The following SYTL2 variants were observed in gnomAD, a reference collection of about 807,000 sequenced individuals.
SYTL2 encodes synaptotagmin-like protein 2.
SYTL2 carries 165 observed loss-of-function variants against 198.7 expected under a neutral mutation model. The ratio of observed to expected loss-of-function variants is 0.83; its 90% CI spans 0.73 to 0.94. The LOEUF (loss-of-function observed/expected upper bound fraction) is 0.94, where lower values mean the gene tolerates loss of function less well. Ranked by LOEUF, SYTL2 falls within the 40% of genes least tolerant of loss-of-function variation. The pLI, the probability that SYTL2 is intolerant of heterozygous loss-of-function variation, is 0.00. For missense variants in SYTL2, 2,835 were observed against 2,582.8 expected, an observed-to-expected ratio of 1.10 and a Z score of -2.12; for synonymous variants, 966 against 917.7, an observed-to-expected ratio of 1.05 and a Z score of -0.95.
intron 1 of SYTL2, among the ~76,000 whole-genome samples, chr11:85,789,962 G>A (rs987061019): frequency 6.6e-6 from 1 of 152,058 alleles, no homozygotes; most frequent in African/African-American, 2.4e-5. Context: ...AAATGCTTGG[G>A]ATCAGAACTG....
chr11:85,771,215 G>T (rs2092348619), intron 1 of SYTL2, among the ~76,000 whole-genome samples: 1 of 152,156 alleles, frequency 6.6e-6, no homozygotes, highest in African/African-American at 2.4e-5. Context: ...GAGACTTCCT[G>T]ACCGGTGTAG....
intron 1 of SYTL2, among the ~76,000 whole-genome samples, chr11:85,773,713 G>A (rs949859493): frequency 8.5e-5 from 13 of 152,084 alleles, no homozygotes; most frequent in African/African-American, 3.1e-4. Context: ...TCATTTTATA[G>A]TGTTATTCCA....
chr11:85,695,803 T>C (rs546683139), intron 19 of SYTL2, among the ~76,000 whole-genome samples: 1 of 152,204 alleles, frequency 6.6e-6, no homozygotes, highest in Non-Finnish European at 1.5e-5. Flanking sequence ...GAGGATTCAA[T>C]GAAATAATGT....
At chr11:85,818,696 T>TCTAC in the SYTL2 span, among the ~76,000 whole-genome samples, 1 of 144,298 alleles carries the variant, frequency 6.9e-6, no homozygotes, top group Non-Finnish European at 1.5e-5. Flanking sequence ...TATCTACCTA[T>TCTAC]CTATTTATTT....
chr11:85,707,476 G>A lies in SYTL2; in HGVS notation c.5971C>T (p.Leu1991Phe). The A allele has an allele frequency of 6.2e-7, 1 of 1,613,996 alleles. No homozygotes were observed. The highest frequency in any genetic ancestry group is 1.1e-5 in the South Asian group (1 of 91,064). ...GGATTCAAGGTTTTCTTCACTACGA[G>A]TGTTTTCTTCTTGCCCATTTTGCCT... is the stretch of plus-strand genomic sequence containing the variant. ...DKGKMGKKKT[L>F]VVKKTLNPVY... Residue 1991 changes from leucine to phenylalanine, a missense_variant, in exon 15 of 20, where the codon CTC becomes TTC. Coordinates refer to ENST00000359152, the MANE Select transcript of SYTL2 (RefSeq NM_206927.4).
chr11:85,851,517 T>C, the SYTL2 span, among the ~76,000 whole-genome samples: 21 of 152,236 alleles, frequency 1.4e-4, no homozygotes, highest in Non-Finnish European at 2.4e-4. Flanking sequence ...TCTTCTACTA[T>C]AGATACTTTC....
chr11:85,751,014 ACTGT>A (rs147518241), intron 2 of SYTL2, among the ~76,000 whole-genome samples: 3,153 of 152,226 alleles, frequency 0.021, 59 homozygotes, highest in Admixed American at 0.037. Flanking sequence ...TGCCTAAATG[ACTGT>A]CTGTAAGCCC....
At chr11:85,825,593 G>C in the SYTL2 span, among the ~76,000 whole-genome samples, 647 of 152,332 alleles carry the variant, frequency 4.2e-3, 5 homozygotes, top group African/African-American at 0.015. Context: ...CAAGATTTGG[G>C]GAAGAGGGTT....
intron 2 of SYTL2, among the ~76,000 whole-genome samples, chr11:85,754,740 G>T (rs1043334090): frequency 1.3e-5 from 2 of 152,260 alleles, no homozygotes; most frequent in Non-Finnish European, 2.9e-5. Flanking sequence ...TAAATAACTT[G>T]CCCAGTGAAA....
At chr11:85,739,440 T>C (rs911777802) in intron 4 of SYTL2, among the ~76,000 whole-genome samples, 5 of 151,540 alleles carry the variant, frequency 3.3e-5, no homozygotes, top group South Asian at 2.1e-4. Context: ...AGTTACCTTG[T>C]GGTTGGGATA....
chr11:85,752,938 A>AAAAAC (rs2091615522), intron 2 of SYTL2, among the ~76,000 whole-genome samples: 1 of 143,542 alleles, frequency 7.0e-6, no homozygotes, highest in Non-Finnish European at 1.5e-5. Flanking sequence ...AAAAAAAAAA[A>AAAAAC]AAAAAAAAAA....
rs147517545 is a variant in SYTL2, at chr11:85,703,086, G to A, written c.6189+1772C>T. 7.0e-4 allele frequency among the ~76,000 whole-genome samples: 107 copies of A among 152,076 alleles called. 1 individual carries two copies. Among genetic ancestry groups the A allele is most frequent in the African/African-American group, 2.3e-3 (96 of 41,486 alleles). ...AATTGTGAAAAGGTTAGCAAAACAT[G>A]GACTGAAATATAAGAAAAAAAGTAT... is the stretch of plus-strand genomic sequence containing the variant. On this transcript the variant is annotated intron_variant, in intron 16 of 19. Transcript: ENST00000359152.
At position 85,730,827 on chromosome 11, in the gene SYTL2, T is replaced by C. The variant is rs539628027; in HGVS notation, c.1391-2860A>G. On this transcript the variant is annotated intron_variant, in intron 7 of 19. Coordinates refer to ENST00000359152, the MANE Select transcript of SYTL2 (RefSeq NM_206927.4). ...TTGTCTCTTTTTGCAGATGACATGA[T>C]TGTATATTTAGAAAACCTCATCGTC... 3.7e-3 allele frequency among the ~76,000 whole-genome samples: 560 copies of C among 152,268 alleles called. 13 individuals carry two copies. Among genetic ancestry groups the C allele is most frequent in the Middle Eastern group, 0.017 (5 of 294 alleles).
chr11:85,728,586 C>T (rs1266886683), intron 7 of SYTL2, among the ~76,000 whole-genome samples: 1 of 152,106 alleles, frequency 6.6e-6, no homozygotes, highest in Admixed American at 6.5e-5. Context: ...CACCCAGCTC[C>T]ATGTTACATT....
At chr11:85,761,884 C>G (rs2092105019) in intron 1 of SYTL2, among the ~76,000 whole-genome samples, 1 of 152,198 alleles carries the variant, frequency 6.6e-6, no homozygotes, top group Non-Finnish European at 1.5e-5. Context: ...GTCTTGAACT[C>G]CTGGCTTCAA....
chr11:85,816,718 T>G, the SYTL2 span, among the ~76,000 whole-genome samples: 1 of 152,114 alleles, frequency 6.6e-6, no homozygotes, highest in South Asian at 2.1e-4. Flanking sequence ...GAGACCAGCC[T>G]GGGCAGCATA....
At chr11:85,720,029 C>G (rs2088049463) in intron 9 of SYTL2, among the ~76,000 whole-genome samples, 1 of 152,150 alleles carries the variant, frequency 6.6e-6, no homozygotes. Flanking sequence ...CCCAAGAAAT[C>G]ATGGTTTCTT....
intron 1 of SYTL2, among the ~76,000 whole-genome samples, chr11:85,805,770 C>G (rs1391733439): frequency 6.6e-6 from 1 of 152,226 alleles, no homozygotes; most frequent in Non-Finnish European, 1.5e-5. Flanking sequence ...CTTTCCCCCT[C>G]TAACTCAGAA....
intron 15 of SYTL2, 81 bp from the exon 16 acceptor site, chr11:85,705,109 A>G: frequency 9.0e-7 from 1 of 1,108,522 alleles, no homozygotes; most frequent in South Asian, 1.6e-5. Context: ...AGAGAAATTC[A>G]TCTGTATATA....
Sources: allele counts gnomAD v4.1 joint callset (sites outside exome capture counted in the v4.1 genomes callset), GRCh38; gene constraint gnomAD v4.1.1; transcripts MANE v1.5; gene names NCBI Gene and HGNC (gene_info 2026-07-23, HGNC 2026-07-21).